HENMT1: variants seen among roughly 807,000 people sequenced by gnomAD.
HENMT1 encodes the protein small RNA 2'-O-methyltransferase.
Under a neutral mutation model 31.1 loss-of-function variants are expected in HENMT1, and 27 were observed. The ratio of observed to expected loss-of-function variants is 0.87; its 90% confidence interval spans 0.64 to 1.20. The LOEUF (loss-of-function observed/expected upper bound fraction) is 1.20. Ranked by LOEUF, HENMT1 falls within the 50% of genes most tolerant of loss-of-function variation. The pLI, the probability that HENMT1 is intolerant of heterozygous loss-of-function variation, is 0.00. For missense variants in HENMT1, 438 were observed against 469.6 expected (o/e 0.93, Z 0.62); for synonymous variants, 167 against 172.2 (o/e 0.97, Z 0.24).
intron 5 of HENMT1, among the ~76,000 whole-genome samples, chr1:108,652,260 A>G (rs1193301711): frequency 6.6e-6 from 1 of 152,248 alleles, no homozygotes; most frequent in Non-Finnish European, 1.5e-5. Context: ...TCAATGTTCA[A>G]TTTCCTGATA....
In HENMT1 at chr1:108,651,317, C is replaced by G. The variant is rs1055121264; in HGVS notation, c.399-108G>C. The G allele has an allele frequency of 2.2e-5, 20 of 892,288 alleles. No homozygotes were observed. The African/African-American group carries it at 3.2e-4, about 14-fold the overall frequency. 55.3% of individuals were successfully genotyped at this position (892,288 alleles called of 1,614,324 possible). A position where few individuals can be genotyped will look rare whatever the true frequency, so the allele number is the denominator to read the frequency against. On this transcript the variant is annotated intron_variant, in intron 5 of 7. Transcript: ENST00000651461. ...CCATCTGTGTATCGATTTCTCCCTT[C>G]TTTGAATATGTAATAATGCTTATAT...
At chr1:108,652,273 A>G (rs10157512) in intron 5 of HENMT1, among the ~76,000 whole-genome samples, 25,593 of 152,222 alleles carry the variant, frequency 0.17, 3,652 homozygotes, top group African/African-American at 0.39. Context: ...TCCTGATAGA[A>G]TTACATGGTT....
Position 108,648,313 on chromosome 1 carries a change from C to T in HENMT1, c.*253G>A. 1 of 487,900 alleles carries T rather than the reference C, an allele frequency of 2.0e-6. No homozygotes were observed. The highest frequency in any genetic ancestry group is 3.5e-5 in the East Asian group (1 of 28,808). 30.2% of individuals were successfully genotyped at this position (487,900 alleles called of 1,614,324 possible). On this transcript the variant is annotated 3_prime_UTR_variant, in exon 8 of 8. Coordinates refer to ENST00000651461, the MANE Select transcript of HENMT1 (RefSeq NM_001102592.2). ...TTCAAAATTAACATATTACCACATCCAACTTCTTTATTCTTGAGAAAACAA... is the reference window on the plus strand; with the variant it reads ...TTCAAAATTAACATATTACCACATCTAACTTCTTTATTCTTGAGAAAACAA...
chr1:108,657,990 TATACAC>T (rs1365025945), intron 2 of HENMT1, among the ~76,000 whole-genome samples: 1 of 140,008 alleles, frequency 7.1e-6, no homozygotes, highest in Non-Finnish European at 1.6e-5. Flanking sequence ...CACACATATA[TATACAC>T]ACACACACAC....
chr1:108,651,897 A>T (rs1237635397), intron 5 of HENMT1, among the ~76,000 whole-genome samples: 1 of 152,206 alleles, frequency 6.6e-6, no homozygotes, highest in Non-Finnish European at 1.5e-5. Context: ...TCTAAAAAAA[A>T]GTCTCTGAGG....
chr1:108,661,041 A>G lies in HENMT1; in HGVS notation c.-157T>C. The G allele has an allele frequency of 1.0e-5, 10 of 982,804 alleles. No homozygotes were observed. The highest frequency in any genetic ancestry group is 1.2e-5 in the Non-Finnish European group (10 of 827,630). 60.9% of individuals were successfully genotyped at this position (982,804 alleles called of 1,614,324 possible). Reference sequence around the variant, plus strand: ...AAGCAGCATGCCCAACCGAAAAAACAAAGCTCGTCGCGGAGCCGCCAGCGT... The same window carrying G: ...AAGCAGCATGCCCAACCGAAAAAACGAAGCTCGTCGCGGAGCCGCCAGCGT... On this transcript the variant is annotated 5_prime_UTR_variant, in exon 1 of 8. Transcript: ENST00000651461.
intron 5 of HENMT1, among the ~76,000 whole-genome samples, chr1:108,652,241 C>T (rs550240004): frequency 2.0e-5 from 3 of 152,262 alleles, no homozygotes; most frequent in South Asian, 4.1e-4. Context: ...ATTAGGTAAT[C>T]GTACTGTATC....
At chr1:108,658,893 A>T (rs987333407) in intron 2 of HENMT1, among the ~76,000 whole-genome samples, 13 of 152,376 alleles carry the variant, frequency 8.5e-5, no homozygotes, top group African/African-American at 3.1e-4. Context: ...GTATTATAAA[A>T]GTAGTCCAAA....
At chr1:108,653,913 T>C (rs1386024338) in intron 5 of HENMT1, among the ~76,000 whole-genome samples, 3 of 152,234 alleles carry the variant, frequency 2.0e-5, no homozygotes, top group African/African-American at 7.2e-5. Context: ...TTCCCATTTG[T>C]GTATTTCTGT....
At chr1:108,649,831 T>C (rs1007518328) in intron 7 of HENMT1, among the ~76,000 whole-genome samples, 20 of 152,172 alleles carry the variant, frequency 1.3e-4, no homozygotes, top group African/African-American at 4.8e-4. Flanking sequence ...GGGTGTTTTT[T>C]TGTAGAGATG....
intron 2 of HENMT1, 125 bp from the exon 3 acceptor site, chr1:108,657,704 T>A (rs541266728): frequency 1.2e-6 from 1 of 819,914 alleles, no homozygotes; most frequent in Non-Finnish European, 1.9e-6. Context: ...GGCCTTCACA[T>A]ACCCTTTGTC....
Position 108,651,076 on chromosome 1 carries a change from C to G in HENMT1, c.532G>C (p.Asp178His). 6.2e-7 allele frequency: 1 copy of G among 1,613,984 alleles called. No individual in the cohort carries two copies. The highest frequency in any genetic ancestry group is 8.5e-7 in the Non-Finnish European group (1 of 1,179,874). ...GTCCACTCAAATTTATGATCTGAAT[C>G]TCTTAAGGTCACTGATGGAAACAGG... ...NPLFPSVTLR[D>H]SDHKFEWTRM... The change falls in exon 6 of 8, where the codon GAT (aspartate) becomes CAT (histidine). Residue 178 changes from aspartate to histidine, a missense_variant. Transcript: ENST00000651461.
chr1:108,649,313 A>G, intron 7 of HENMT1: 1 of 480,242 alleles, frequency 2.1e-6, no homozygotes, highest in Non-Finnish European at 4.1e-6. Context: ...TTAAAAGGGA[A>G]AACGTGGGTA....
rs1484479764 is a variant in HENMT1 at position 108,657,439 on chromosome 1, A to G, written c.150+12T>C. The stretch of plus-strand genomic sequence containing the variant: ...TCTTAATAATTAAATGTTTGGAAAG[A>G]GAAATACCTACCTTCTTAGGCTCAT... On this transcript the variant is annotated intron_variant, in intron 3 of 7. Transcript: ENST00000651461. 4 of 1,586,860 alleles carry G rather than the reference A, an allele frequency of 2.5e-6. No homozygotes were observed. Among genetic ancestry groups the G allele is most frequent in the African/African-American group, 1.3e-5 (1 of 74,160 alleles).
chr1:108,650,408 A>C lies in HENMT1; in HGVS notation c.579-20T>G, dbSNP rs751841213. The stretch of plus-strand genomic sequence containing the variant: ...AAAGCCCTGAAACCAAAACGAGGAC[A>C]GCAATCATTTTTCTAAATGTAGAGC... On this transcript the variant is annotated intron_variant, in intron 6 of 7. Transcript: ENST00000651461. 4 of 1,597,508 alleles carry C rather than the reference A, an allele frequency of 2.5e-6. No homozygotes were observed. Among genetic ancestry groups the C allele is most frequent in the South Asian group, 2.3e-5 (2 of 88,282 alleles).
intron 5 of HENMT1, among the ~76,000 whole-genome samples, chr1:108,653,397 A>C (rs938273100): frequency 2.0e-5 from 3 of 152,196 alleles, no homozygotes; most frequent in African/African-American, 7.2e-5. Context: ...TGCTGTTAAT[A>C]AACATTGGGG....
intron 4 of HENMT1, 66 bp downstream of exon 4, chr1:108,655,520 T>C: frequency 1.1e-6 from 1 of 901,706 alleles, no homozygotes; most frequent in Non-Finnish European, 1.7e-6. Context: ...ATCAACACTT[T>C]CTCTAAACTC....
intron 3 of HENMT1, among the ~76,000 whole-genome samples, chr1:108,657,029 A>ATC (rs1658265797): frequency 6.6e-6 from 1 of 152,342 alleles, no homozygotes; most frequent in Admixed American, 6.5e-5. Flanking sequence ...TAAAACTTAG[A>ATC]TAAGATTCCT....
At chr1:108,650,926 G>C (rs1000870603) in intron 6 of HENMT1, 104 bp downstream of exon 6, 6 of 778,382 alleles carry the variant, frequency 7.7e-6, no homozygotes, top group Non-Finnish European at 8.2e-6. Flanking sequence ...TTTATTGGAA[G>C]AAAGTACAAA....
Sources: gnomAD v4.1 joint callset for allele counts (sites outside exome capture counted in the v4.1 genomes callset) on GRCh38, gnomAD v4.1.1 for gene constraint, MANE v1.5 for transcripts, NCBI Gene and HGNC (gene_info 2026-07-23, HGNC 2026-07-21) for gene names.